MAPKAP1: variants seen among roughly 807,000 people sequenced by gnomAD.
MAPKAP1 encodes the protein MAPK associated protein 1.
Under a neutral mutation model 65.7 loss-of-function variants are expected in MAPKAP1, and 20 were observed. The observed-to-expected ratio is 0.30, with a 90% CI of 0.21 to 0.44. The LOEUF is 0.44. Ranked by LOEUF, MAPKAP1 falls within the 20% of genes least tolerant of loss-of-function variation. The probability of loss-of-function intolerance (pLI) is 1.00; values close to 1 mark genes in which losing one functional copy is unlikely to be tolerated. For synonymous variants in MAPKAP1, 222 were observed against 244.3 expected (o/e 0.91, Z 0.85); for missense variants, 423 against 648.0 (o/e 0.65, Z 3.77).
chr9:125,482,045 T>A (rs1033732035), intron 9 of MAPKAP1, among the ~76,000 whole-genome samples: 4 of 146,472 alleles, frequency 2.7e-5, no homozygotes, highest in Admixed American at 2.1e-4. Context: ...GGCAGGAGAA[T>A]CACTTGAACC....
At chr9:125,535,571 C>T (rs781230952) in intron 7 of MAPKAP1, among the ~76,000 whole-genome samples, 2 of 152,132 alleles carry the variant, frequency 1.3e-5, no homozygotes. Flanking sequence ...CCTCCAGTGC[C>T]TTGATTAATC....
chr9:125,694,040 T>A (rs1017734901), intron 1 of MAPKAP1, among the ~76,000 whole-genome samples: 76 of 152,052 alleles, frequency 5.0e-4, no homozygotes, highest in African/African-American at 1.7e-3. Flanking sequence ...TTTTTAAAAA[T>A]TTTTTAGGTT....
chr9:125,559,513 T>C (rs1830830639), intron 6 of MAPKAP1, 120 bp downstream of exon 6: 3 of 844,480 alleles, frequency 3.6e-6, no homozygotes, highest in East Asian at 2.7e-5. Context: ...GTCATCGTTA[T>C]TACCAGTGGA....
In MAPKAP1 at chr9:125,647,040, G is replaced by A. The variant is rs557972578; in HGVS notation, c.498+10611C>T. Among the ~76,000 whole-genome samples the A allele has an allele frequency of 1.7e-3, 262 of 152,254 alleles. 1 individual carries two copies. Among genetic ancestry groups the A allele is most frequent in the African/African-American group, 6.1e-3 (255 of 41,546 alleles). ...TTCTCCAGCACCAGCCTTAAATCAC[G>A]CTCTGGTGATGAATCTTTATCTGAC... On this transcript the variant is annotated intron_variant, in intron 4 of 11. Coordinates refer to ENST00000265960, the MANE Select transcript of MAPKAP1 (RefSeq NM_001006617.3).
In MAPKAP1 at chr9:125,447,551, A is replaced by C. The variant is rs565365109; in HGVS notation, c.1346-2953T>G. On this transcript the variant is annotated intron_variant, in intron 10 of 11. Transcript: ENST00000265960. This position sits in a 1 kb window ranked among gnomAD's most constrained non-coding sequence, Gnocchi z 4.5. ...GGGCCATAGGACATGGGGCGGACTCACTCCGCGGGCGTTTCTGCCCCGAGT... is the reference window on the plus strand; with the variant it reads ...GGGCCATAGGACATGGGGCGGACTCCCTCCGCGGGCGTTTCTGCCCCGAGT... The C allele has an allele frequency of 2.2e-6, 1 of 447,772 alleles. No individual in the cohort carries two copies. The highest frequency in any genetic ancestry group is 2.0e-5 in the African/African-American group (1 of 49,736). The allele number at this position is 447,772 out of a possible 1,614,324, so 27.7% of individuals were successfully genotyped here. A position where few individuals can be genotyped will look rare whatever the true frequency, so the allele number is the denominator to read the frequency against.
chr9:125,510,225 G>A (rs1829258366), intron 7 of MAPKAP1, among the ~76,000 whole-genome samples: 1 of 152,158 alleles, frequency 6.6e-6, no homozygotes, highest in South Asian at 2.1e-4. Context: ...TGGCTCTAAA[G>A]CTAGTCTGCC....
intron 4 of MAPKAP1, among the ~76,000 whole-genome samples, chr9:125,603,060 T>A (rs372884581): frequency 3.5e-4 from 5 of 14,130 alleles, no homozygotes; most frequent in South Asian, 0.017. Context: ...ACTTGCGTCT[T>A]TCTTTCTTTC....
chr9:125,616,785 C>T lies in MAPKAP1; in HGVS notation c.499-31058G>A, dbSNP rs1486456670. ...GCATTATCTATAAGCTGAAGCTGCACATAGATCCCATGACCCTGTAAGTCC... is the reference window on the plus strand; with the variant it reads ...GCATTATCTATAAGCTGAAGCTGCATATAGATCCCATGACCCTGTAAGTCC... On this transcript the variant is annotated intron_variant, in intron 4 of 11. Transcript: ENST00000265960. Among the ~76,000 whole-genome samples the T allele has an allele frequency of 2.0e-5, 3 of 152,174 alleles. No individual in the cohort carries two copies. The East Asian group carries it at 5.8e-4, about 29-fold the overall frequency.
intron 3 of MAPKAP1, among the ~76,000 whole-genome samples, chr9:125,669,444 C>G (rs1279922445): frequency 6.6e-6 from 1 of 152,198 alleles, no homozygotes; most frequent in Non-Finnish European, 1.5e-5. Flanking sequence ...CGTGCCATTG[C>G]ACTCCGGCCT....
chr9:125,625,164 T>C (rs1488057776), intron 4 of MAPKAP1, among the ~76,000 whole-genome samples: 2 of 100,420 alleles, frequency 2.0e-5, no homozygotes, highest in Non-Finnish European at 3.9e-5. Context: ...GTTTATCTGC[T>C]GACCTTCCCT....
intron 5 of MAPKAP1, among the ~76,000 whole-genome samples, chr9:125,577,400 C>G (rs1831451385): frequency 6.7e-6 from 1 of 148,674 alleles, no homozygotes; most frequent in Non-Finnish European, 1.5e-5. Context: ...GGGGTCAGCC[C>G]CCCGCCTGGC....
At chr9:125,703,160 T>C (rs1443553216) in intron 1 of MAPKAP1, among the ~76,000 whole-genome samples, 1 of 152,330 alleles carries the variant, frequency 6.6e-6, no homozygotes, top group African/African-American at 2.4e-5. Context: ...AACTGCTCCC[T>C]TTAGTTTGGG....
At chr9:125,664,275 A>G (rs937940421) in intron 3 of MAPKAP1, among the ~76,000 whole-genome samples, 13 of 151,944 alleles carry the variant, frequency 8.6e-5, no homozygotes, top group Non-Finnish European at 1.8e-4. Flanking sequence ...TGAACCTTGG[A>G]GGCAAAGGTT....
chr9:125,540,528 T>C (rs1830212851), intron 7 of MAPKAP1, among the ~76,000 whole-genome samples: 1 of 152,244 alleles, frequency 6.6e-6, no homozygotes, highest in African/African-American at 2.4e-5. Flanking sequence ...CCCCCCTTCT[T>C]CACTGACGTT....
At chr9:125,631,127 G>T (rs1477438601) in intron 4 of MAPKAP1, among the ~76,000 whole-genome samples, 1 of 147,822 alleles carries the variant, frequency 6.8e-6, no homozygotes, top group South Asian at 2.1e-4. Context: ...ATACCTCCCC[G>T]TGTCCTTCTT....
At chr9:125,484,020 C>T (rs143306769) in intron 9 of MAPKAP1, among the ~76,000 whole-genome samples, 33 of 152,212 alleles carry the variant, frequency 2.2e-4, no homozygotes, top group African/African-American at 7.0e-4. Flanking sequence ...AATTATATGA[C>T]GAAGATCCAA....
chr9:125,559,192 T>A (rs1218950452), intron 6 of MAPKAP1: 1 of 153,164 alleles, frequency 6.5e-6, no homozygotes, highest in Admixed American at 6.5e-5. Context: ...GCTGAAGACA[T>A]GTGCTCAGTC....
intron 10 of MAPKAP1, among the ~76,000 whole-genome samples, chr9:125,445,393 C>G (rs147337261): frequency 6.6e-6 from 1 of 152,358 alleles, no homozygotes; most frequent in East Asian, 1.9e-4. Flanking sequence ...CAGGTTCTTC[C>G]CCAAGCCTGG....
At position 125,447,454 on chromosome 9, in the gene MAPKAP1, C is replaced by G. The variant is rs968142227; in HGVS notation, c.1346-2856G>C. ...GTGGACAGCCACAGCAGACAGCCCC[C>G]TCTTGCTCTCTGCAAGGAGTGATGA... is the stretch of plus-strand genomic sequence containing the variant. On this transcript the variant is annotated intron_variant, in intron 10 of 11. Coordinates refer to ENST00000265960, the MANE Select transcript of MAPKAP1 (RefSeq NM_001006617.3). This position sits in a 1 kb window ranked among gnomAD's most constrained non-coding sequence, Gnocchi z 4.5. 2.2e-6 allele frequency: 1 copy of G among 456,690 alleles called. No individual in the cohort carries two copies. Among genetic ancestry groups the G allele is most frequent in the Non-Finnish European group, 4.4e-6 (1 of 226,964 alleles). The allele number at this position is 456,690 out of a possible 1,614,324, so 28.3% of individuals were successfully genotyped here.
Sources: allele counts gnomAD v4.1 joint callset (sites outside exome capture counted in the v4.1 genomes callset), GRCh38; gene constraint gnomAD v4.1.1; non-coding constraint Gnocchi (gnomAD v3.1); transcripts MANE v1.5; gene names NCBI Gene and HGNC (gene_info 2026-07-23, HGNC 2026-07-21).